Variants in AMD1 observed in about 807,000 individuals in gnomAD.
AMD1 encodes S-adenosylmethionine decarboxylase proenzyme.
AMD1 carries 11 observed loss-of-function variants against 40.2 expected under a neutral mutation model. That is an observed-to-expected ratio of 0.27 (90% CI 0.17 to 0.45). AMD1 has a LOEUF of 0.45. Ranked by LOEUF, AMD1 falls within the 20% of genes least tolerant of loss-of-function variation. AMD1 has a pLI of 1.00. For synonymous variants in AMD1, 121 were observed against 130.8 expected (o/e 0.93, Z 0.51); for missense variants, 257 against 410.2 (o/e 0.63, Z 3.23).
chr6:110,829,461 C>T, the AMD1 span, among the ~76,000 whole-genome samples: 1 of 151,654 alleles, frequency 6.6e-6, no homozygotes, highest in Non-Finnish European at 1.5e-5. Context: ...GGGCAGATCA[C>T]GAGGTCAGGA....
chr6:110,877,694 T>C (rs1265831036), intron 1 of AMD1, among the ~76,000 whole-genome samples: 1 of 152,270 alleles, frequency 6.6e-6, no homozygotes, highest in Non-Finnish European at 1.5e-5. Context: ...TAATATGTTA[T>C]ATGTAGTACG....
At position 110,874,870 on chromosome 6, in the gene AMD1, G is replaced by A. The variant is rs1785012588; in HGVS notation, c.-236G>A. On this transcript the variant is annotated 5_prime_UTR_variant, in exon 1 of 9. Transcript: ENST00000368885. Reference sequence around the variant, plus strand: ...GCAGCGGAATACAAGAGACTGAACTGTATCTGCCTCTATTTCCAAAAGACT... The same window carrying A: ...GCAGCGGAATACAAGAGACTGAACTATATCTGCCTCTATTTCCAAAAGACT... The A allele has an allele frequency of 1.1e-5, 6 of 522,424 alleles. No individual in the cohort carries two copies. The Admixed American group carries it at 2.0e-4, about 17-fold the overall frequency. The allele number at this position is 522,424 out of a possible 1,614,324, so 32.4% of individuals were successfully genotyped here.
At chr6:110,853,316 T>G in the AMD1 span, among the ~76,000 whole-genome samples, 2 of 150,860 alleles carry the variant, frequency 1.3e-5, no homozygotes, top group East Asian at 1.9e-4. Flanking sequence ...TTTTTTGTTT[T>G]TTTTTTTTTG....
intron 1 of AMD1, among the ~76,000 whole-genome samples, chr6:110,876,696 G>A (rs901745205): frequency 6.6e-6 from 1 of 152,082 alleles, no homozygotes; most frequent in Admixed American, 6.5e-5. Flanking sequence ...TATAGGAAGC[G>A]GACTTTGGTC....
the AMD1 span, among the ~76,000 whole-genome samples, chr6:110,826,823 C>G: frequency 6.6e-6 from 1 of 152,014 alleles, no homozygotes; most frequent in South Asian, 2.1e-4. Context: ...TCCTGTGTAG[C>G]TGGGATTACA....
chr6:110,864,700 C>A, the AMD1 span, among the ~76,000 whole-genome samples: 1 of 152,168 alleles, frequency 6.6e-6, no homozygotes. Context: ...CTTTGTCTAC[C>A]AGTGGCCTAG....
At chr6:110,833,576 A>G in the AMD1 span, among the ~76,000 whole-genome samples, 13 of 152,250 alleles carry the variant, frequency 8.5e-5, no homozygotes, top group African/African-American at 2.7e-4. Context: ...TTATTTCTCT[A>G]TAAGTATAAC....
chr6:110,889,525 TCTG>T (rs1018201206), intron 3 of AMD1: 36 of 152,448 alleles, frequency 2.4e-4, no homozygotes, highest in African/African-American at 8.4e-4. Flanking sequence ...CTCACTGCAA[TCTG>T]CACCTCCCAG....
chr6:110,820,672 T>C, the AMD1 span, among the ~76,000 whole-genome samples: 5 of 151,734 alleles, frequency 3.3e-5, no homozygotes, highest in African/African-American at 1.2e-4. Flanking sequence ...GAGGCCAAGG[T>C]GGGCAGATCA....
intron 1 of AMD1, among the ~76,000 whole-genome samples, chr6:110,881,126 A>T (rs539067830): frequency 6.6e-6 from 1 of 152,010 alleles, no homozygotes; most frequent in South Asian, 2.1e-4. Flanking sequence ...TAGAACATCT[A>T]TTTTTCTTTG....
Position 110,874,930 on chromosome 6 carries a change from A to G in AMD1, c.-176A>G. ...CTTTCGCTCACACAAAGCCGGGAAAATTTTATTAGTCCTTTTTTTAAAAAA... is the reference window on the plus strand; with the variant it reads ...CTTTCGCTCACACAAAGCCGGGAAAGTTTTATTAGTCCTTTTTTTAAAAAA... On this transcript the variant is annotated 5_prime_UTR_variant, in exon 1 of 9. Coordinates refer to ENST00000368885, the MANE Select transcript of AMD1 (RefSeq NM_001634.6). The G allele has an allele frequency of 1.7e-6, 1 of 579,664 alleles. No homozygotes were observed. Among genetic ancestry groups the G allele is most frequent in the Non-Finnish European group, 3.0e-6 (1 of 330,558 alleles). The allele number at this position is 579,664 out of a possible 1,614,324, so 35.9% of individuals were successfully genotyped here.
chr6:110,881,891 G>A (rs375212151), intron 1 of AMD1, among the ~76,000 whole-genome samples: 26 of 151,748 alleles, frequency 1.7e-4, no homozygotes, highest in African/African-American at 4.6e-4. Flanking sequence ...TCAGTATTAC[G>A]TGAGCTGTAA....
In AMD1 at chr6:110,888,914, C is replaced by T; in HGVS notation, c.255C>T (p.Thr85=). ...RRFILKTCGT[T]LLLKALVPLL... ...TCATTTTGAAGACATGTGGTACCAC[C>T]CTCTTGCTGAAAGCACTGGTTCCCC... Residue 85 remains threonine (T), a synonymous_variant, in exon 3 of 9, where the codon ACC becomes ACT. Transcript: ENST00000368885. 1 of 1,613,488 alleles carries T rather than the reference C, an allele frequency of 6.2e-7. No homozygotes were observed. The highest frequency in any genetic ancestry group is 8.5e-7 in the Non-Finnish European group (1 of 1,179,888).
At chr6:110,836,398 T>C in the AMD1 span, among the ~76,000 whole-genome samples, 359 of 152,238 alleles carry the variant, frequency 2.4e-3, 2 homozygotes, top group Admixed American at 3.3e-3. Context: ...TAGATCTAGT[T>C]TGTGTTGATG....
At chr6:110,849,224 C>T in the AMD1 span, among the ~76,000 whole-genome samples, 2 of 152,076 alleles carry the variant, frequency 1.3e-5, no homozygotes, top group South Asian at 4.1e-4. Flanking sequence ...TGAGTGTGAT[C>T]GCTTAGGAAT....
At chr6:110,848,620 C>T in the AMD1 span, 1 of 565,178 alleles carries the variant, frequency 1.8e-6, no homozygotes, top group Non-Finnish European at 2.9e-6. Context: ...TCTTCTTTTG[C>T]AACCCAGAAC....
At chr6:110,866,530 AG>A in the AMD1 span, among the ~76,000 whole-genome samples, 1 of 152,228 alleles carries the variant, frequency 6.6e-6, no homozygotes, top group African/African-American at 2.4e-5. Context: ...TTGTGGAAGT[AG>A]GGAAAATAAT....
chr6:110,841,983 A>C, the AMD1 span, among the ~76,000 whole-genome samples: 3 of 151,972 alleles, frequency 2.0e-5, no homozygotes, highest in African/African-American at 7.2e-5. Flanking sequence ...TTGCATTTGT[A>C]GTAGAGATGG....
chr6:110,870,128 G>A (rs904137983), upstream of AMD1, among the ~76,000 whole-genome samples: 6 of 152,148 alleles, frequency 3.9e-5, no homozygotes, highest in South Asian at 8.3e-4. Context: ...TTTAACAACC[G>A]GTAAGTGTTT....
Sources: gnomAD v4.1 joint callset for allele counts (sites outside exome capture counted in the v4.1 genomes callset) on GRCh38, gnomAD v4.1.1 for gene constraint, MANE v1.5 for transcripts, NCBI Gene and HGNC (gene_info 2026-07-23, HGNC 2026-07-21) for gene names.